TENM3: variants seen among roughly 807,000 people sequenced by gnomAD.
TENM3 encodes teneurin transmembrane protein 3, also known as teneurin-3.
In TENM3, 63 loss-of-function variants were observed where a neutral mutation model predicts 255.1. That is an observed-to-expected ratio of 0.25 (90% CI 0.20 to 0.30). TENM3 has a LOEUF of 0.30. Ranked by LOEUF, TENM3 falls within the 10% of genes least tolerant of loss-of-function variation. TENM3 has a pLI of 1.00. For synonymous variants in TENM3, 1,306 were observed against 1,322.3 expected, an observed-to-expected ratio of 0.99 and a Z score of 0.27; for missense variants, 2,929 against 3,461.1, an observed-to-expected ratio of 0.85 and a Z score of 3.86.
rs1766293605 is a variant in TENM3 at position 182,793,860 on chromosome 4, C to A, written c.7188C>A (p.Ile2396=). The part of the protein sequence containing the change: ...MFRNNNPASK[I]HDVKDYITDV... ...GGAATAACAACCCTGCAAGCAAAAT[C>A]CATGACGTGAAAGATTACATCACAG... The change falls in exon 26 of 28, where the codon ATC becomes ATA. Residue 2396 remains isoleucine (I), a synonymous_variant. Transcript: ENST00000511685. This position sits in a 1 kb window ranked among gnomAD's most constrained non-coding sequence, Gnocchi z 5.7. 6.2e-7 allele frequency: 1 copy of A among 1,610,162 alleles called. No individual in the cohort carries two copies. Among genetic ancestry groups the A allele is most frequent in the East Asian group, 2.2e-5 (1 of 44,822 alleles).
chr4:181,748,427 A>G, the TENM3 span, among the ~76,000 whole-genome samples: 1 of 152,126 alleles, frequency 6.6e-6, no homozygotes, highest in African/African-American at 2.4e-5. Context: ...CAATAATAGA[A>G]CATAGAAAAG....
chr4:182,227,032 T>C (rs941691771), intron 1 of TENM3, among the ~76,000 whole-genome samples: 1 of 152,152 alleles, frequency 6.6e-6, no homozygotes, highest in African/African-American at 2.4e-5. Context: ...CCGTAACTCC[T>C]GCTGCTGCTC....
chr4:182,612,350 C>T (rs1282501497), intron 4 of TENM3, among the ~76,000 whole-genome samples: 2 of 150,982 alleles, frequency 1.3e-5, no homozygotes, highest in African/African-American at 4.9e-5. Context: ...TTTACTTAAA[C>T]ACACACAGAG....
At chr4:181,839,384 T>TATATATATACAC in the TENM3 span, among the ~76,000 whole-genome samples, 202 of 83,416 alleles carry the variant, frequency 2.4e-3, 9 homozygotes, top group South Asian at 3.6e-3. Flanking sequence ...TATATATATA[T>TATATATATACAC]ACACCTATAT....
chr4:182,021,572 G>T, the TENM3 span, among the ~76,000 whole-genome samples: 8 of 152,200 alleles, frequency 5.3e-5, no homozygotes, highest in African/African-American at 1.7e-4. Context: ...TACCATTAAA[G>T]AATTTATCAA....
chr4:181,498,403 T>C, the TENM3 span, among the ~76,000 whole-genome samples: 1 of 152,100 alleles, frequency 6.6e-6, no homozygotes, highest in Non-Finnish European at 1.5e-5. Flanking sequence ...TGTGAAGGAC[T>C]CCACTCAGTT....
At chr4:182,505,557 C>T (rs1442894174) in intron 3 of TENM3, among the ~76,000 whole-genome samples, 1 of 152,114 alleles carries the variant, frequency 6.6e-6, no homozygotes, top group African/African-American at 2.4e-5. Context: ...CAGCTCACTG[C>T]AACCTCCACC....
the TENM3 span, among the ~76,000 whole-genome samples, chr4:182,136,076 C>A: frequency 2.6e-5 from 4 of 152,172 alleles, no homozygotes; most frequent in East Asian, 1.9e-4. Flanking sequence ...TACTACTGAG[C>A]AGACCATATA....
the TENM3 span, among the ~76,000 whole-genome samples, chr4:181,960,820 T>A: frequency 6.6e-6 from 1 of 152,212 alleles, no homozygotes; most frequent in African/African-American, 2.4e-5. Context: ...CCACATATTT[T>A]TTTAGAGTAC....
the TENM3 span, among the ~76,000 whole-genome samples, chr4:181,541,116 G>A: frequency 6.6e-6 from 1 of 152,174 alleles, no homozygotes; most frequent in Non-Finnish European, 1.5e-5. Flanking sequence ...GCTCATGCCT[G>A]TAATCCCAAC....
chr4:181,819,511 A>G, the TENM3 span, among the ~76,000 whole-genome samples: 1 of 152,138 alleles, frequency 6.6e-6, no homozygotes, highest in East Asian at 1.9e-4. Context: ...GATTGTTCGT[A>G]ATTTTCCATA....
chr4:182,137,067 T>A, the TENM3 span, among the ~76,000 whole-genome samples: 1 of 152,172 alleles, frequency 6.6e-6, no homozygotes, highest in Non-Finnish European at 1.5e-5. Context: ...ATGATGTTTT[T>A]ATTGGGGTTC....
At chr4:182,288,282 T>C (rs1023021224) in intron 1 of TENM3, among the ~76,000 whole-genome samples, 3 of 151,840 alleles carry the variant, frequency 2.0e-5, no homozygotes, top group Non-Finnish European at 4.4e-5. Context: ...TGTTGTCACA[T>C]TGGTCTCCAA....
intron 3 of TENM3, among the ~76,000 whole-genome samples, chr4:182,499,944 G>C (rs752462058): frequency 6.6e-6 from 1 of 152,152 alleles, no homozygotes; most frequent in Non-Finnish European, 1.5e-5. Flanking sequence ...AAGGGGAAAT[G>C]TACAAAAGCT....
At chr4:182,032,680 C>T in the TENM3 span, among the ~76,000 whole-genome samples, 1 of 152,074 alleles carries the variant, frequency 6.6e-6, no homozygotes, top group South Asian at 2.1e-4. Context: ...TCTATCTGGT[C>T]CTGGATTTTT....
At chr4:182,177,139 G>A (rs1204937631) in intron 1 of TENM3, among the ~76,000 whole-genome samples, 5 of 152,080 alleles carry the variant, frequency 3.3e-5, no homozygotes, top group Non-Finnish European at 7.4e-5. Flanking sequence ...AGCAGAAGCC[G>A]CTGTGCTCTG....
chr4:182,023,823 A>G, the TENM3 span, among the ~76,000 whole-genome samples: 1 of 152,226 alleles, frequency 6.6e-6, no homozygotes, highest in African/African-American at 2.4e-5. Flanking sequence ...ACCAAAATCC[A>G]TTATAGCTGT....
the TENM3 span, among the ~76,000 whole-genome samples, chr4:181,896,286 C>T: frequency 6.6e-6 from 1 of 152,030 alleles, no homozygotes; most frequent in Non-Finnish European, 1.5e-5. Context: ...TAAAACTGAC[C>T]TTAAGTAAGT....
chr4:181,552,941 C>T, the TENM3 span, among the ~76,000 whole-genome samples: 1 of 152,142 alleles, frequency 6.6e-6, no homozygotes, highest in Non-Finnish European at 1.5e-5. Flanking sequence ...GACACGCACG[C>T]ACCACACACA....
Sources: gnomAD v4.1 joint callset for allele counts (sites outside exome capture counted in the v4.1 genomes callset) on GRCh38, gnomAD v4.1.1 for gene constraint, Gnocchi (gnomAD v3.1) non-coding constraint, MANE v1.5 for transcripts, NCBI Gene and HGNC (gene_info 2026-07-23, HGNC 2026-07-21) for gene names.